Variants in PPP1R9A observed in about 807,000 individuals in gnomAD.
PPP1R9A encodes the protein neurabin-1.
PPP1R9A carries 59 observed loss-of-function variants against 141.9 expected under a neutral mutation model. The ratio of observed to expected loss-of-function variants is 0.42; its 90% CI spans 0.34 to 0.52. The LOEUF (loss-of-function observed/expected upper bound fraction) is 0.52, where lower values mean the gene tolerates loss of function less well. Ranked by LOEUF, PPP1R9A falls within the 20% of genes least tolerant of loss-of-function variation. PPP1R9A has a pLI of 0.10. For synonymous variants in PPP1R9A, 500 were observed against 569.7 expected, an observed-to-expected ratio of 0.88 and a Z score of 1.74; for missense variants, 1,444 against 1,611.9, an observed-to-expected ratio of 0.90 and a Z score of 1.78.
Position 95,295,545 on chromosome 7 carries a change from T to C in PPP1R9A, c.*5242T>C, listed in dbSNP as rs1806989751. The C allele has an allele frequency of 6.6e-6, 1 of 152,234 alleles. No individual in the cohort carries two copies. The highest frequency in any genetic ancestry group is 2.4e-5 in the African/African-American group (1 of 41,464). 9.4% of individuals were successfully genotyped at this position (152,234 alleles called of 1,614,324 possible). A position where few individuals can be genotyped will look rare whatever the true frequency, so the allele number is the denominator to read the frequency against. ...TACAGTCACTGCCTACTGGCTCTCT[T>C]ATGATGAATGTTGCCATCATATGAT... On this transcript the variant is annotated 3_prime_UTR_variant, in exon 20 of 20. Transcript: ENST00000433360.
In PPP1R9A at chr7:95,291,269, A is replaced by G. The variant is rs1300075858; in HGVS notation, c.*966A>G. ...ATTCTGGCTGGTCTTCAGCCTGCCT[A>G]TGTCACAATCAGGAACTCATCACAT... On this transcript the variant is annotated 3_prime_UTR_variant, in exon 20 of 20. Transcript: ENST00000433360. 3 of 152,182 alleles carry G rather than the reference A, an allele frequency of 2.0e-5. No individual in the cohort carries two copies. The highest frequency in any genetic ancestry group is 7.2e-5 in the African/African-American group (3 of 41,456). 9.4% of individuals were successfully genotyped at this position (152,182 alleles called of 1,614,324 possible).
chr7:95,247,378 T>C lies in PPP1R9A; in HGVS notation c.2113-95T>C, dbSNP rs576067210. ...GCACTGCAGCACTTTTCTAGGCCTT[T>C]TACTATGTAATAAGGCATTCTTGTA... On this transcript the variant is annotated intron_variant, in intron 8 of 19. Coordinates refer to ENST00000433360, the MANE Select transcript of PPP1R9A (RefSeq NM_001166160.2). 5.8e-5 allele frequency: 57 copies of C among 982,400 alleles called. No individual in the cohort carries two copies. The East Asian group carries it at 7.1e-4, about 12-fold the overall frequency. The allele number at this position is 982,400 out of a possible 1,614,324, so 60.9% of individuals were successfully genotyped here. A position where few individuals can be genotyped will look rare whatever the true frequency, so the allele number is the denominator to read the frequency against.
At chr7:95,057,895 T>C (rs1292001119) in intron 2 of PPP1R9A, among the ~76,000 whole-genome samples, 3 of 152,152 alleles carry the variant, frequency 2.0e-5, no homozygotes, top group Admixed American at 6.6e-5. Flanking sequence ...GTTTGAACTT[T>C]AGGTATGGGT....
In PPP1R9A at chr7:95,292,502, G is replaced by GTT. The variant is rs2116169155; in HGVS notation, c.*2200_*2201insTT. 6.6e-6 allele frequency: 1 copy of GTT among 152,644 alleles called. No homozygotes were observed. The highest frequency in any genetic ancestry group is 1.5e-5 in the Non-Finnish European group (1 of 67,984). The allele number at this position is 152,644 out of a possible 1,614,324, so 9.5% of individuals were successfully genotyped here. A position where few individuals can be genotyped will look rare whatever the true frequency, so the allele number is the denominator to read the frequency against. ...ATGGATGTATATACTGGAAATGTCTGTAAGTGTCTTGTTTTTGCACCTAAT... is the reference window on the plus strand; with the variant it reads ...ATGGATGTATATACTGGAAATGTCTGTTTAAGTGTCTTGTTTTTGCACCTAAT... On this transcript the variant is annotated 3_prime_UTR_variant, in exon 20 of 20. Coordinates refer to ENST00000433360, the MANE Select transcript of PPP1R9A (RefSeq NM_001166160.2).
At position 95,294,271 on chromosome 7, in the gene PPP1R9A, T is replaced by C. The variant is rs1806770676; in HGVS notation, c.*3968T>C. On this transcript the variant is annotated 3_prime_UTR_variant, in exon 20 of 20. Coordinates refer to ENST00000433360, the MANE Select transcript of PPP1R9A (RefSeq NM_001166160.2). ...AGAAATAAAATGTCCATATTTTCTT[T>C]TCTTTTCTTTTTTTTTTTTTTTTTC... 1 of 147,904 alleles carries C rather than the reference T, an allele frequency of 6.8e-6. No individual in the cohort carries two copies. The highest frequency in any genetic ancestry group is 1.5e-5 in the Non-Finnish European group (1 of 67,692). 9.2% of individuals were successfully genotyped at this position (147,904 alleles called of 1,614,324 possible). A position where few individuals can be genotyped will look rare whatever the true frequency, so the allele number is the denominator to read the frequency against.
rs1813421916 is a variant in PPP1R9A at position 95,069,257 on chromosome 7, A to G, written c.1396-42002A>G. 3.3e-5 allele frequency among the ~76,000 whole-genome samples: 5 copies of G among 152,168 alleles called. No individual in the cohort carries two copies. In the South Asian group the frequency reaches 1.0e-3, roughly 32 times the overall value. On this transcript the variant is annotated intron_variant, in intron 2 of 19. Coordinates refer to ENST00000433360, the MANE Select transcript of PPP1R9A (RefSeq NM_001166160.2). ...TGCCTTAAAGGAGGGATGGAGGACA[A>G]GAATCAGAAATGTGGAGGGGGAGGG...
intron 2 of PPP1R9A, among the ~76,000 whole-genome samples, chr7:94,951,005 A>G (rs1796413391): frequency 2.0e-5 from 3 of 152,090 alleles, no homozygotes; most frequent in Admixed American, 2.0e-4. Flanking sequence ...ACCTCAGCCT[A>G]CCAAAGTGCT....
chr7:95,148,187 A>G (rs1334729521), intron 4 of PPP1R9A, among the ~76,000 whole-genome samples: 1 of 152,174 alleles, frequency 6.6e-6, no homozygotes, highest in Non-Finnish European at 1.5e-5. Flanking sequence ...TAAGGAGAAC[A>G]AAAGAAATAA....
intron 12 of PPP1R9A, among the ~76,000 whole-genome samples, chr7:95,259,423 A>G (rs1800097075): frequency 6.6e-6 from 1 of 152,122 alleles, no homozygotes; most frequent in Non-Finnish European, 1.5e-5. Context: ...TAAAAAATAT[A>G]TATTAGTTTA....
At chr7:95,132,487 T>A (rs1387915418) in intron 4 of PPP1R9A, among the ~76,000 whole-genome samples, 1 of 152,176 alleles carries the variant, frequency 6.6e-6, no homozygotes, top group Non-Finnish European at 1.5e-5. Flanking sequence ...TCATATTTAT[T>A]GATTTGTATA....
intron 2 of PPP1R9A, among the ~76,000 whole-genome samples, chr7:94,927,446 T>G (rs1016172318): frequency 1.3e-5 from 2 of 152,216 alleles, no homozygotes; most frequent in Non-Finnish European, 2.9e-5. Flanking sequence ...GTTACTGCTG[T>G]TTTTCATCTT....
intron 7 of PPP1R9A, among the ~76,000 whole-genome samples, chr7:95,204,669 C>T (rs1790330423): frequency 1.6e-5 from 2 of 125,314 alleles, no homozygotes; most frequent in South Asian, 4.9e-4. Flanking sequence ...TATCCACACA[C>T]ACACCACACA....
intron 2 of PPP1R9A, among the ~76,000 whole-genome samples, chr7:94,993,982 A>G (rs1801837277): frequency 6.6e-6 from 1 of 152,214 alleles, no homozygotes; most frequent in Admixed American, 6.5e-5. Context: ...TTCCTTGCCC[A>G]TTACAAGGTT....
chr7:95,034,946 T>A (rs933801036), intron 2 of PPP1R9A, among the ~76,000 whole-genome samples: 1 of 152,198 alleles, frequency 6.6e-6, no homozygotes, highest in African/African-American at 2.4e-5. Flanking sequence ...TTGCACAATA[T>A]CACAGGGCTA....
chr7:95,161,182 G>A (rs546234446), intron 4 of PPP1R9A, among the ~76,000 whole-genome samples: 38 of 151,698 alleles, frequency 2.5e-4, no homozygotes, highest in Admixed American at 1.4e-3. Context: ...CCCAGCATCT[G>A]TTTGTTTTTT....
At chr7:94,990,170 G>T (rs896485818) in intron 2 of PPP1R9A, among the ~76,000 whole-genome samples, 1 of 151,994 alleles carries the variant, frequency 6.6e-6, no homozygotes, top group African/African-American at 2.4e-5. Context: ...TTCCCTTTTT[G>T]TAGCTAGTAA....
At chr7:95,110,796 G>GTCC (rs2152441902) in intron 2 of PPP1R9A, among the ~76,000 whole-genome samples, 1 of 152,284 alleles carries the variant, frequency 6.6e-6, no homozygotes, top group African/African-American at 2.4e-5. Context: ...TGGAGGTCAG[G>GTCC]TTCAGTGATC....
At chr7:95,261,787 TA>T (rs1800467020) in intron 12 of PPP1R9A, among the ~76,000 whole-genome samples, 1 of 152,182 alleles carries the variant, frequency 6.6e-6, no homozygotes, top group African/African-American at 2.4e-5. Flanking sequence ...TACTATTAAG[TA>T]CTATTACTAG....
At chr7:95,274,246 C>T in intron 16 of PPP1R9A, 78 bp downstream of exon 16, 11 of 1,281,786 alleles carry the variant, frequency 8.6e-6, no homozygotes, top group South Asian at 1.4e-5. Context: ...TAACCAAAAT[C>T]AGTGGTCAGT....
Sources: allele counts gnomAD v4.1 joint callset (sites outside exome capture counted in the v4.1 genomes callset), GRCh38; gene constraint gnomAD v4.1.1; transcripts MANE v1.5; gene names NCBI Gene and HGNC (gene_info 2026-07-23, HGNC 2026-07-21).